COL4A2: variants seen among roughly 807,000 people sequenced by gnomAD.
The protein encoded by COL4A2 is collagen alpha-2(IV) chain.
COL4A2 carries 99 observed loss-of-function variants against 200.2 expected under a neutral mutation model. The ratio of observed to expected loss-of-function variants is 0.49; its 90% CI spans 0.42 to 0.58. The LOEUF is 0.58. Among genes scored for constraint, COL4A2 ranks in the 20% least tolerant of loss-of-function variants. The pLI is 0.00. For synonymous variants in COL4A2, 897 were observed against 900.6 expected, an observed-to-expected ratio of 1.00 and a Z score of 0.07; for missense variants, 1,950 against 2,314.1, an observed-to-expected ratio of 0.84 and a Z score of 3.23.
chr13:110,313,339 C>A (rs1278601384), intron 3 of COL4A2, among the ~76,000 whole-genome samples: 1 of 152,162 alleles, frequency 6.6e-6, no homozygotes, highest in African/African-American at 2.4e-5. Context: ...TTGGTTACCC[C>A]TGAAAGGAGA....
At chr13:110,390,758 G>A (rs1360528143) in intron 4 of COL4A2, among the ~76,000 whole-genome samples, 2 of 48,396 alleles carry the variant, frequency 4.1e-5, no homozygotes, top group Non-Finnish European at 7.6e-5. Context: ...GTACAGGCCT[G>A]AGAAGCGACA....
chr13:110,399,567 G>A (rs1226127004), intron 4 of COL4A2, among the ~76,000 whole-genome samples: 1 of 152,198 alleles, frequency 6.6e-6, no homozygotes, highest in Non-Finnish European at 1.5e-5. Flanking sequence ...GTGTGGAACT[G>A]AGCCTAGGTC....
At chr13:110,367,985 C>A (rs1260420749) in intron 4 of COL4A2, among the ~76,000 whole-genome samples, 2 of 152,198 alleles carry the variant, frequency 1.3e-5, no homozygotes. Flanking sequence ...AAGCAAAACT[C>A]TGAAACAGGA....
At chr13:110,470,629 A>G (rs571919636) in intron 28 of COL4A2, among the ~76,000 whole-genome samples, 6 of 152,272 alleles carry the variant, frequency 3.9e-5, no homozygotes, top group African/African-American at 7.2e-5. Flanking sequence ...TTCTTTTCCA[A>G]CTGGGCTCTA....
rs143993823 is a variant in COL4A2, at chr13:110,341,156, C to T, written c.100-16316C>T. ...GTTCACTGAGCAGGTCGGTGGCCAG[C>T]GCTGCCTTCGCATCAGAACCCCATT... is the stretch of plus-strand genomic sequence containing the variant. On this transcript the variant is annotated intron_variant, in intron 3 of 47. Transcript: ENST00000360467. The T allele has an allele frequency of 8.7e-3, 1,320 of 152,418 alleles. 17 individuals carry two copies. The highest frequency in any genetic ancestry group is 0.046 in the East Asian group (240 of 5,186). The allele number at this position is 152,418 out of a possible 1,614,324, so 9.4% of individuals were successfully genotyped here. A position where few individuals can be genotyped will look rare whatever the true frequency, so the allele number is the denominator to read the frequency against.
chr13:110,367,425 G>A (rs1024088360), intron 4 of COL4A2, among the ~76,000 whole-genome samples: 3 of 152,206 alleles, frequency 2.0e-5, no homozygotes, highest in African/African-American at 7.2e-5. Context: ...AGAAACCGAA[G>A]GTTGGATGAA....
At chr13:110,461,873 C>T in intron 22 of COL4A2, 1 of 592,708 alleles carries the variant, frequency 1.7e-6, no homozygotes, top group Non-Finnish European at 3.0e-6. Context: ...AGGTACCATC[C>T]AGTTCCTCAG....
chr13:110,491,777 G>C (rs925161493), intron 37 of COL4A2, among the ~76,000 whole-genome samples: 1 of 152,202 alleles, frequency 6.6e-6, no homozygotes, highest in Non-Finnish European at 1.5e-5. Context: ...CATCTCTCCA[G>C]GCACTGCCTC....
At chr13:110,351,753 T>A (rs1053315983) in intron 3 of COL4A2, among the ~76,000 whole-genome samples, 2 of 152,120 alleles carry the variant, frequency 1.3e-5, no homozygotes, top group Non-Finnish European at 2.9e-5. Flanking sequence ...TGGTGTGTGA[T>A]GAGATAGTTG....
intron 3 of COL4A2, among the ~76,000 whole-genome samples, chr13:110,351,670 C>T (rs1168492194): frequency 6.6e-6 from 1 of 152,188 alleles, no homozygotes; most frequent in East Asian, 1.9e-4. Flanking sequence ...TCCACAGTGC[C>T]TCTGCCAGCT....
At position 110,315,216 on chromosome 13, in the gene COL4A2, C is replaced by A. The variant is rs1208555704; in HGVS notation, c.99+7093C>A. Among the ~76,000 whole-genome samples the A allele has an allele frequency of 3.3e-5, 5 of 152,352 alleles. No homozygotes were observed. The East Asian group carries it at 9.6e-4, about 29-fold the overall frequency. On this transcript the variant is annotated intron_variant, in intron 3 of 47. Coordinates refer to ENST00000360467, the MANE Select transcript of COL4A2 (RefSeq NM_001846.4). ...GGTGACCCGCAGCAGGTATCACACA[C>A]CTGCACATGGCTGGAGCCTCTGTCC...
In COL4A2 at chr13:110,513,147, C is replaced by A. The variant is rs1884150591; in HGVS notation, c.*956C>A. 4 of 152,096 alleles carry A rather than the reference C, an allele frequency of 2.6e-5. No homozygotes were observed. Among genetic ancestry groups the A allele is most frequent in the South Asian group, 4.2e-4 (2 of 4,800 alleles). The allele number at this position is 152,096 out of a possible 1,614,324, so 9.4% of individuals were successfully genotyped here. On this transcript the variant is annotated 3_prime_UTR_variant, in exon 48 of 48. Transcript: ENST00000360467. The stretch of plus-strand genomic sequence containing the variant: ...TAATCCATCTCAGTAGAGTTGAACC[C>A]ATTCGTGGTATTACAGCCATTTCTC...
chr13:110,505,147 G>A (rs183541358), intron 45 of COL4A2, among the ~76,000 whole-genome samples: 35 of 151,366 alleles, frequency 2.3e-4, no homozygotes, highest in South Asian at 1.7e-3. Flanking sequence ...GCAGGAGATC[G>A]AGACCATCCT....
At chr13:110,394,445 G>C (rs1160086794) in intron 4 of COL4A2, among the ~76,000 whole-genome samples, 1 of 152,168 alleles carries the variant, frequency 6.6e-6, no homozygotes, top group Non-Finnish European at 1.5e-5. Flanking sequence ...TGACTTCTGA[G>C]TCACAGGTCT....
intron 3 of COL4A2, among the ~76,000 whole-genome samples, chr13:110,324,702 A>AGAC: frequency 1.3e-5 from 2 of 152,322 alleles, no homozygotes; most frequent in African/African-American, 4.8e-5. Flanking sequence ...AGGTCCTAGA[A>AGAC]GACAGCCTCT....
chr13:110,331,541 G>A (rs1875913825), intron 3 of COL4A2, among the ~76,000 whole-genome samples: 1 of 152,164 alleles, frequency 6.6e-6, no homozygotes, highest in African/African-American at 2.4e-5. Flanking sequence ...GAAAGGAGGT[G>A]CACCCACAGC....
chr13:110,351,322 G>T (rs1413446948), intron 3 of COL4A2, among the ~76,000 whole-genome samples: 3 of 152,152 alleles, frequency 2.0e-5, no homozygotes, highest in Non-Finnish European at 4.4e-5. Flanking sequence ...CGATCTGCCT[G>T]CCTGGGTCTC....
chr13:110,407,564 C>T (rs1460238107), intron 4 of COL4A2, among the ~76,000 whole-genome samples: 5 of 152,272 alleles, frequency 3.3e-5, no homozygotes, highest in South Asian at 4.1e-4. Flanking sequence ...AGAAAGGAGT[C>T]GGAGAACACG....
intron 13 of COL4A2, among the ~76,000 whole-genome samples, chr13:110,437,435 A>G (rs1184527019): frequency 6.6e-6 from 1 of 152,218 alleles, no homozygotes; most frequent in Non-Finnish European, 1.5e-5. Context: ...TCCTGCAGGA[A>G]TCCAAGGTAC....
Sources: gnomAD v4.1 joint callset for allele counts (sites outside exome capture counted in the v4.1 genomes callset) on GRCh38, gnomAD v4.1.1 for gene constraint, MANE v1.5 for transcripts, NCBI Gene and HGNC (gene_info 2026-07-23, HGNC 2026-07-21) for gene names.